PLD4: variants seen among roughly 807,000 people sequenced by gnomAD.
PLD4 encodes the protein phospholipase D family member 4, also known as 5'-3' exonuclease PLD4.
A neutral mutation model predicts 52.3 loss-of-function variants in PLD4; 54 were observed. The ratio of observed to expected loss-of-function variants is 1.03; its 90% CI spans 0.83 to 1.30. PLD4 has a LOEUF of 1.30. PLD4 is among the 50% of genes most tolerant of loss of function. The pLI is 0.00. For synonymous variants in PLD4, 264 were observed against 286.5 expected (o/e 0.92, Z 0.79); for missense variants, 731 against 671.1 (o/e 1.09, Z -0.99).
chr14:104,933,313 T>G, downstream of PLD4: 1 of 210,322 alleles, frequency 4.8e-6, no homozygotes. Context: ...CGCCCGCCCC[T>G]GCGAAACTGC....
intron 1 of PLD4, 151 bp from the exon 2 acceptor site, chr14:104,926,990 C>T: frequency 1.6e-6 from 1 of 607,030 alleles, no homozygotes; most frequent in Non-Finnish European, 2.6e-6. Flanking sequence ...CCCCCAACAT[C>T]CAGGGCGTGA....
In PLD4 at chr14:104,933,013, C is replaced by G. The variant is rs1280433088; in HGVS notation, c.*49C>G. 1 of 1,496,162 alleles carries G rather than the reference C, an allele frequency of 6.7e-7. No homozygotes were observed. The highest frequency in any genetic ancestry group is 8.9e-7 in the Non-Finnish European group (1 of 1,122,740). 92.7% of individuals were successfully genotyped at this position (1,496,162 alleles called of 1,614,324 possible). A position where few individuals can be genotyped will look rare whatever the true frequency, so the allele number is the denominator to read the frequency against. On this transcript the variant is annotated 3_prime_UTR_variant, in exon 11 of 11. Transcript: ENST00000392593. ...GACCCCGCCCCGCACGCGCCCTCCC[C>G]TCTGACCCCGGCCTGGGCTTCAGCC... is the stretch of plus-strand genomic sequence containing the variant.
At chr14:104,926,527 G>T (rs909335390) in intron 1 of PLD4, among the ~76,000 whole-genome samples, 4 of 152,192 alleles carry the variant, frequency 2.6e-5, no homozygotes, top group Admixed American at 1.3e-4. Context: ...CCACTCTGCC[G>T]CCATCTCTGC....
chr14:104,929,575 C>T, intron 5 of PLD4, 148 bp downstream of exon 5: 3 of 1,274,938 alleles, frequency 2.4e-6, no homozygotes, highest in Non-Finnish European at 3.1e-6. Flanking sequence ...ACCCAGGGCT[C>T]TGAGGTCCTT....
rs1406592199 is a variant in PLD4 at position 104,927,897 on chromosome 14, A to C, written c.284+31A>C. The C allele has an allele frequency of 2.0e-6, 3 of 1,517,576 alleles. No homozygotes were observed. The Admixed American group carries it at 6.0e-5, about 30-fold the overall frequency. 94.0% of individuals were successfully genotyped at this position (1,517,576 alleles called of 1,614,324 possible). On this transcript the variant is annotated intron_variant, in intron 3 of 10. Coordinates refer to ENST00000392593, the MANE Select transcript of PLD4 (RefSeq NM_138790.5). Reference sequence around the variant, plus strand: ...TGAGCCCATGGAGGCCTGCGGGGGCAGGTCTCAGTTTGGGGCTGCTGCCTG... The same window carrying C: ...TGAGCCCATGGAGGCCTGCGGGGGCCGGTCTCAGTTTGGGGCTGCTGCCTG...
rs1369098892 is a variant in PLD4, at chr14:104,933,157, C to T, written c.*193C>T. The T allele has an allele frequency of 9.7e-6, 6 of 615,692 alleles. No individual in the cohort carries two copies. Among genetic ancestry groups the T allele is most frequent in the Non-Finnish European group, 1.3e-5 (5 of 376,040 alleles). The allele number at this position is 615,692 out of a possible 1,614,324, so 38.1% of individuals were successfully genotyped here. On this transcript the variant is annotated 3_prime_UTR_variant, in exon 11 of 11. Coordinates refer to ENST00000392593, the MANE Select transcript of PLD4 (RefSeq NM_138790.5). ...CGAGTCCAGCCCCCCCTGAGCCCCA[C>T]CTCCTCCAGGGAGCCCTCCAGGAAG...
At chr14:104,937,186 G>C (rs1031558316), downstream of PLD4, 1 of 152,236 alleles carries the variant, frequency 6.6e-6, no homozygotes, top group Non-Finnish European at 1.5e-5. Context: ...TAGAGACCAG[G>C]AGTGTGTGGG....
chr14:104,927,276 C>T, intron 2 of PLD4, 46 bp downstream of exon 2: 1 of 1,438,186 alleles, frequency 7.0e-7, no homozygotes, highest in Non-Finnish European at 9.4e-7. Flanking sequence ...GATCAATGGC[C>T]TTTCAAGAGC....
rs753846860 is a variant in PLD4, at chr14:104,929,474, T to C, written c.589+47T>C. 2.3e-5 allele frequency: 34 copies of C among 1,497,188 alleles called. No homozygotes were observed. In the East Asian group the frequency reaches 8.4e-4, roughly 37 times the overall value. 92.7% of individuals were successfully genotyped at this position (1,497,188 alleles called of 1,614,324 possible). A position where few individuals can be genotyped will look rare whatever the true frequency, so the allele number is the denominator to read the frequency against. On this transcript the variant is annotated intron_variant, in intron 5 of 10. Transcript: ENST00000392593. ...GGCACCACTGCCCTAGCGTCGGGCA[T>C]GGGCTGTCTGGCTGGCACCACAGGA...
chr14:104,935,106 T>C (rs536550341), downstream of PLD4: 6 of 152,358 alleles, frequency 3.9e-5, no homozygotes, highest in East Asian at 1.2e-3. Context: ...TCAGTAACCA[T>C]CTGGCAAAAA....
At chr14:104,925,733 T>A (rs889294002) in intron 1 of PLD4, among the ~76,000 whole-genome samples, 1 of 151,234 alleles carries the variant, frequency 6.6e-6, no homozygotes, top group Non-Finnish European at 1.5e-5. Context: ...CTGGGGACAG[T>A]GGGGACACGG....
rs747816524 is a variant in PLD4, at chr14:104,927,798, G to A, written c.216G>A (p.Trp72Ter). 5 of 1,597,350 alleles carry A rather than the reference G, an allele frequency of 3.1e-6. No homozygotes were observed. The highest frequency in any genetic ancestry group is 1.1e-5 in the South Asian group (1 of 89,598). ...AGCCCAAGGACGTGCCCAGGTCCTG[G>A]GAGCATGGCTCCAGCCCAGCTTGGG... Reference protein sequence around the residue: ...QVQPKDVPRSWEHGSSPAWEP... With the variant: ...QVQPKDVPRS The change falls in exon 3 of 11, where the codon TGG (tryptophan) becomes TGA (stop). Residue 72 changes from tryptophan to a stop codon, truncating the protein, a stop_gained. Coordinates refer to ENST00000392593, the MANE Select transcript of PLD4 (RefSeq NM_138790.5). LOFTEE classifies it high-confidence loss of function.
chr14:104,931,840 C>T lies in PLD4; in HGVS notation c.1011C>T (p.Ala337=). The T allele has an allele frequency of 4.5e-6, 7 of 1,565,372 alleles. No individual in the cohort carries two copies. The highest frequency in any genetic ancestry group is 6.1e-6 in the Non-Finnish European group (7 of 1,154,246). The stretch of plus-strand genomic sequence containing the variant: ...GGAGCGCCCAGGAGTTCATCTATGC[C>T]TCCGTGATGGAGTATTTCCCCACCA... ...VMGSAQEFIY[A]SVMEYFPTTR... The change falls in exon 8 of 11, where the codon GCC becomes GCT. Residue 337 remains alanine (A), a synonymous_variant. Coordinates refer to ENST00000392593, the MANE Select transcript of PLD4 (RefSeq NM_138790.5).
At chr14:104,935,341 T>G (rs1033836121), downstream of PLD4, 5 of 152,272 alleles carry the variant, frequency 3.3e-5, no homozygotes, top group African/African-American at 1.2e-4. Context: ...GTGAAAGGCC[T>G]CTTTCCACAC....
chr14:104,932,911 G>A lies in PLD4; in HGVS notation c.1468G>A (p.Ala490Thr). 1 of 1,602,090 alleles carries A rather than the reference G, an allele frequency of 6.2e-7. No homozygotes were observed. Among genetic ancestry groups the A allele is most frequent in the African/African-American group, 1.3e-5 (1 of 74,916 alleles). ...TGAGCGGGACTGGAGTTCGCGCTAC[G>A]CCGTCGGCCTGGACGGACAGGCTCC... ...LFERDWSSRY[A>T]VGLDGQAPGQ... Residue 490 changes from alanine (A) to threonine (T), a missense_variant, in exon 11 of 11, where the codon GCC becomes ACC. Transcript: ENST00000392593. The surrounding 1 kb of genome is among the most constrained non-coding windows in gnomAD (Gnocchi z 6.5).
chr14:104,937,138 C>G (rs1489745377), downstream of PLD4: 1 of 152,248 alleles, frequency 6.6e-6, no homozygotes, highest in Non-Finnish European at 1.5e-5. Context: ...GGCAACCACC[C>G]AAATGTTCCT....
intron 5 of PLD4, 87 bp from the exon 6 acceptor site, chr14:104,929,891 C>A: frequency 6.7e-7 from 1 of 1,498,802 alleles, no homozygotes; most frequent in Non-Finnish European, 9.1e-7. Context: ...TGAGTCAACC[C>A]CACTGTCAAG....
chr14:104,929,023 C>T (rs908665456), intron 4 of PLD4, 91 bp downstream of exon 4: 23 of 1,449,064 alleles, frequency 1.6e-5, no homozygotes, highest in African/African-American at 4.2e-5. Context: ...GCACCAGGCC[C>T]GGGGGCTCAG....
chr14:104,933,541 C>A (rs1432868670), downstream of PLD4: 2 of 149,712 alleles, frequency 1.3e-5, no homozygotes, highest in Non-Finnish European at 3.0e-5. Context: ...GCGGAGGAAA[C>A]GCAGACCAAG....
Sources: allele counts gnomAD v4.1 joint callset (sites outside exome capture counted in the v4.1 genomes callset), GRCh38; gene constraint gnomAD v4.1.1; non-coding constraint Gnocchi (gnomAD v3.1); transcripts MANE v1.5; gene names NCBI Gene and HGNC (gene_info 2026-07-23, HGNC 2026-07-21).